The following RFTN1 variants were observed in gnomAD, a reference collection of about 807,000 sequenced individuals.
RFTN1 encodes raftlin, lipid raft linker 1.
A neutral mutation model predicts 46.5 loss-of-function variants in RFTN1; 26 were observed. The ratio of observed to expected loss-of-function variants is 0.56; its 90% CI spans 0.41 to 0.78. The LOEUF is 0.78. RFTN1 is among the 30% of genes least tolerant of loss of function. RFTN1 has a pLI of 0.00. For missense variants in RFTN1, 693 were observed against 718.7 expected, an observed-to-expected ratio of 0.96 and a Z score of 0.41; for synonymous variants, 261 against 284.2, an observed-to-expected ratio of 0.92 and a Z score of 0.82.
chr3:16,372,520 A>G (rs866071458), intron 5 of RFTN1, among the ~76,000 whole-genome samples: 3 of 152,096 alleles, frequency 2.0e-5, no homozygotes, highest in Middle Eastern at 3.2e-3. Flanking sequence ...ACAAATGCAA[A>G]TGAATTAAGA....
chr3:16,367,894 G>C (rs2073294788), intron 6 of RFTN1, among the ~76,000 whole-genome samples: 1 of 152,184 alleles, frequency 6.6e-6, no homozygotes, highest in South Asian at 2.1e-4. Context: ...GGGTCAAAGA[G>C]AAAACCTTCC....
chr3:16,459,655 C>G lies in RFTN1; in HGVS notation c.146-25618G>C, dbSNP rs1195608507. ...TACAAATAAAACTCAACTCTACATT[C>G]AAAATTTTCTTAAAATTTTTCTTAA... On this transcript the variant is annotated intron_variant, in intron 2 of 9. Coordinates refer to ENST00000334133, the MANE Select transcript of RFTN1 (RefSeq NM_015150.2). The surrounding 1 kb of genome is among the most constrained non-coding windows in gnomAD (Gnocchi z 4.2). Among the ~76,000 whole-genome samples, 3 of 152,010 alleles carry G rather than the reference C, an allele frequency of 2.0e-5. No individual in the cohort carries two copies. The highest frequency in any genetic ancestry group is 4.8e-5 in the African/African-American group (2 of 41,406).
Position 16,374,002 on chromosome 3 carries a change from G to A in RFTN1, c.826+3716C>T, listed in dbSNP as rs2073637318. On this transcript the variant is annotated intron_variant, in intron 5 of 9. Coordinates refer to ENST00000334133, the MANE Select transcript of RFTN1 (RefSeq NM_015150.2). The surrounding 1 kb of genome is among the most constrained non-coding windows in gnomAD (Gnocchi z 5.4). ...CTAATAGTGAGGCCCGCTTGCCAGG[G>A]CAGCAGGAAAGGCAAAGTGCAGGGA... Among the ~76,000 whole-genome samples, 1 of 152,212 alleles carries A rather than the reference G, an allele frequency of 6.6e-6. No individual in the cohort carries two copies. The highest frequency in any genetic ancestry group is 1.5e-5 in the Non-Finnish European group (1 of 68,034).
At position 16,402,161 on chromosome 3, in the gene RFTN1, A is replaced by G. The variant is rs1421669273; in HGVS notation, c.441+7214T>C. On this transcript the variant is annotated intron_variant, in intron 4 of 9. Transcript: ENST00000334133. This position sits in a 1 kb window ranked among gnomAD's most constrained non-coding sequence, Gnocchi z 4.5. ...GTTCTTGGTCCTTACAGATGACCCC[A>G]TCTCACACCTGAGTCACCCAGGTGT... Among the ~76,000 whole-genome samples, 1 of 152,112 alleles carries G rather than the reference A, an allele frequency of 6.6e-6. No individual in the cohort carries two copies. The highest frequency in any genetic ancestry group is 1.5e-5 in the Non-Finnish European group (1 of 68,008).
In RFTN1 at chr3:16,435,260, T is replaced by A. The variant is rs182513188; in HGVS notation, c.146-1223A>T. Among the ~76,000 whole-genome samples the A allele has an allele frequency of 5.4e-3, 823 of 152,330 alleles. 6 individuals are homozygous for A. Among genetic ancestry groups the A allele is most frequent in the African/African-American group, 0.019 (781 of 41,578 alleles). On this transcript the variant is annotated intron_variant, in intron 2 of 9. Transcript: ENST00000334133. ...TACACACCTAGCTTTTTAGAATCAA[T>A]TTTTATCAATTAACAGTATACTTTT...
intron 4 of RFTN1, among the ~76,000 whole-genome samples, chr3:16,393,465 T>C (rs920491176): frequency 6.6e-6 from 1 of 152,168 alleles, no homozygotes; most frequent in African/African-American, 2.4e-5. Context: ...CCTAGTGATC[T>C]CCTGGATTTT....
At chr3:16,486,142 C>A (rs1427959817) in intron 2 of RFTN1, among the ~76,000 whole-genome samples, 1 of 152,034 alleles carries the variant, frequency 6.6e-6, no homozygotes, top group East Asian at 1.9e-4. Context: ...CCTAGGACCA[C>A]CTCCTAATTT....
intron 6 of RFTN1, among the ~76,000 whole-genome samples, chr3:16,358,912 A>G (rs1359016336): frequency 2.0e-5 from 3 of 151,542 alleles, no homozygotes; most frequent in Non-Finnish European, 4.4e-5. Context: ...TATGGCTGTA[A>G]TCCCAGCTAC....
intron 2 of RFTN1, among the ~76,000 whole-genome samples, chr3:16,455,665 A>G (rs1056495134): frequency 6.6e-6 from 1 of 152,218 alleles, no homozygotes; most frequent in Non-Finnish European, 1.5e-5. Context: ...TTCAAAGGAC[A>G]GTGGCACTGA....
intron 4 of RFTN1, among the ~76,000 whole-genome samples, chr3:16,386,397 C>G (rs752301184): frequency 6.6e-6 from 1 of 152,178 alleles, no homozygotes; most frequent in South Asian, 2.1e-4. Context: ...ATAATAATAA[C>G]AATAGGTATT....
At chr3:16,503,897 A>T (rs745326259) in intron 1 of RFTN1, among the ~76,000 whole-genome samples, 3 of 152,212 alleles carry the variant, frequency 2.0e-5, no homozygotes, top group Admixed American at 6.5e-5. Context: ...TGGATTTCAC[A>T]AGTGCTTACA....
chr3:16,490,079 C>T (rs2076515517), intron 2 of RFTN1, among the ~76,000 whole-genome samples: 1 of 152,186 alleles, frequency 6.6e-6, no homozygotes, highest in Non-Finnish European at 1.5e-5. Flanking sequence ...AAGGAGTCAG[C>T]ATTTAGTTCT....
rs994614130 is a variant in RFTN1 at position 16,489,733 on chromosome 3, C to T, written c.145+3992G>A. Among the ~76,000 whole-genome samples the T allele has an allele frequency of 3.3e-5, 5 of 152,018 alleles. No homozygotes were observed. The highest frequency in any genetic ancestry group is 1.2e-4 in the African/African-American group (5 of 41,372). ...GACCAGCCTGGCCAACATTGTGAAA[C>T]CCCATCTCTACTAAAAATACCAAAA... On this transcript the variant is annotated intron_variant, in intron 2 of 9. Coordinates refer to ENST00000334133, the MANE Select transcript of RFTN1 (RefSeq NM_015150.2). The surrounding 1 kb of genome is among the most constrained non-coding windows in gnomAD (Gnocchi z 4.0).
rs202028868 is a variant in RFTN1, at chr3:16,389,496, G to C, written c.442-11394C>G. On this transcript the variant is annotated intron_variant, in intron 4 of 9. Transcript: ENST00000334133. ...ACAAATAGGAGATGGGTTTTTTTTC[G>C]GGGGGGAGGGAAGGAACAGCTTTGC... 2.9e-3 allele frequency among the ~76,000 whole-genome samples: 20 copies of C among 6,822 alleles called. No individual in the cohort carries two copies. In the African/African-American group the frequency reaches 0.04, roughly 14 times the overall value. The allele number at this position is 6,822 out of a possible 152,430, so 4.5% of individuals were successfully genotyped here.
In RFTN1 at chr3:16,361,236, G is replaced by T. The variant is rs1388982992; in HGVS notation, c.1031-3189C>A. Among the ~76,000 whole-genome samples the T allele has an allele frequency of 6.6e-6, 1 of 152,132 alleles. No homozygotes were observed. The highest frequency in any genetic ancestry group is 2.4e-5 in the African/African-American group (1 of 41,400). On this transcript the variant is annotated intron_variant, in intron 6 of 9. Coordinates refer to ENST00000334133, the MANE Select transcript of RFTN1 (RefSeq NM_015150.2). The surrounding 1 kb of genome is among the most constrained non-coding windows in gnomAD (Gnocchi z 4.3). ...GGCATATAGGGCCTCAGAAGGGTGA[G>T]TGACATGTTACTGGAGTTCAAGTGC... is the stretch of plus-strand genomic sequence containing the variant.
intron 7 of RFTN1, among the ~76,000 whole-genome samples, chr3:16,333,799 A>G (rs2070569791): frequency 6.6e-6 from 1 of 152,244 alleles, no homozygotes; most frequent in African/African-American, 2.4e-5. Context: ...AAAGATATGA[A>G]GAGAGATCAC....
intron 2 of RFTN1, among the ~76,000 whole-genome samples, chr3:16,485,613 G>C (rs1330699579): frequency 2.0e-5 from 3 of 152,252 alleles, no homozygotes; most frequent in Non-Finnish European, 4.4e-5. Flanking sequence ...TGACACAGCA[G>C]ATCAGCAGTT....
At chr3:16,409,684 A>ATT (rs386396025) in intron 3 of RFTN1, among the ~76,000 whole-genome samples, 2,100 of 122,496 alleles carry the variant, frequency 0.017, 66 homozygotes, top group East Asian at 0.048. Context: ...CACCCGGCTA[A>ATT]TTTTTTTTTT....
At chr3:16,472,410 T>C (rs970271712) in intron 2 of RFTN1, 3 of 152,182 alleles carry the variant, frequency 2.0e-5, no homozygotes, top group Non-Finnish European at 4.4e-5. Context: ...GATCCAAACC[T>C]AAGCCAAGAG....
Sources: allele counts gnomAD v4.1 joint callset (sites outside exome capture counted in the v4.1 genomes callset), GRCh38; gene constraint gnomAD v4.1.1; non-coding constraint Gnocchi (gnomAD v3.1); transcripts MANE v1.5; gene names NCBI Gene and HGNC (gene_info 2026-07-23, HGNC 2026-07-21).